MCF2L2: variants seen among roughly 807,000 people sequenced by gnomAD.
MCF2L2 encodes MCF.2 cell line derived transforming sequence-like 2.
In MCF2L2, 102 loss-of-function variants were observed where a neutral mutation model predicts 150.2. That is an observed-to-expected ratio of 0.68 (90% CI 0.58 to 0.80). The LOEUF (loss-of-function observed/expected upper bound fraction) is 0.80. Ranked by LOEUF, MCF2L2 falls within the 30% of genes least tolerant of loss-of-function variation. The pLI, the probability that MCF2L2 is intolerant of heterozygous loss-of-function variation, is 0.00. For missense variants in MCF2L2, 1,256 were observed against 1,372.8 expected (o/e 0.91, Z 1.34); for synonymous variants, 465 against 491.3 (o/e 0.95, Z 0.71).
At chr3:183,387,245 ACATAGCGACAC>A (rs1337981118) in intron 2 of MCF2L2, among the ~76,000 whole-genome samples, 1 of 151,534 alleles carries the variant, frequency 6.6e-6, no homozygotes, top group African/African-American at 2.4e-5. Flanking sequence ...AGCCTGGGCA[ACATAGCGACAC>A]CATGTCTCAA....
chr3:183,272,943 C>T, intron 15 of MCF2L2: 1 of 1,409,310 alleles, frequency 7.1e-7, no homozygotes, highest in Non-Finnish European at 9.3e-7. Context: ...TTAATTTTTG[C>T]TTAGAATAGA....
chr3:183,343,636 A>G (rs1730787188), intron 3 of MCF2L2, among the ~76,000 whole-genome samples: 1 of 152,080 alleles, frequency 6.6e-6, no homozygotes, highest in Non-Finnish European at 1.5e-5. Context: ...CCCAAAGTGC[A>G]GGGATTACAG....
chr3:183,374,683 AGAAAG>A (rs1195345679), intron 3 of MCF2L2: 1 of 147,464 alleles, frequency 6.8e-6, no homozygotes, highest in Non-Finnish European at 1.5e-5. Context: ...AAAAAAAAAA[AGAAAG>A]AAAGAAAGAA....
intron 3 of MCF2L2, among the ~76,000 whole-genome samples, chr3:183,345,554 A>T (rs1730865926): frequency 6.6e-6 from 1 of 152,228 alleles, no homozygotes; most frequent in Admixed American, 6.5e-5. Context: ...GCAGAAGACA[A>T]GAAATAACTA....
chr3:183,364,079 T>C (rs1053174895), intron 3 of MCF2L2, among the ~76,000 whole-genome samples: 5 of 152,222 alleles, frequency 3.3e-5, no homozygotes, highest in Admixed American at 1.3e-4. Context: ...TCAGAATTTG[T>C]GGGTTTGTTT....
At chr3:183,400,334 C>G (rs1356355935) in intron 1 of MCF2L2, 10 of 445,386 alleles carry the variant, frequency 2.2e-5, no homozygotes, top group South Asian at 1.3e-4. Context: ...ACACATGCAT[C>G]CTTGCTTCCA....
At chr3:183,293,078 T>C (rs1443803356) in intron 13 of MCF2L2, among the ~76,000 whole-genome samples, 1 of 152,152 alleles carries the variant, frequency 6.6e-6, no homozygotes, top group Non-Finnish European at 1.5e-5. Flanking sequence ...GGTCACAGTG[T>C]ATAAAAAGGC....
intron 7 of MCF2L2, among the ~76,000 whole-genome samples, chr3:183,313,914 G>A (rs1171533929): frequency 6.6e-6 from 1 of 152,196 alleles, no homozygotes; most frequent in African/African-American, 2.4e-5. Flanking sequence ...GATCCAACTG[G>A]CAGACGAGGT....
At position 183,257,958 on chromosome 3, in the gene MCF2L2, CTTTTTTTTT is replaced by C. The variant is rs35323502; in HGVS notation, c.1862+18905_1862+18913del. On this transcript the variant is annotated intron_variant, in intron 15 of 29. Transcript: ENST00000328913. Reference sequence around the variant, plus strand: ...TATTCCTTGCTCCCTCCACTTCACCCTTTTTTTTTTTTTTTTTTTTTTTTTTTGAGACGG... The same window carrying C: ...TATTCCTTGCTCCCTCCACTTCACCCTTTTTTTTTTTTTTTTTTGAGACGG... 2.6e-4 allele frequency among the ~76,000 whole-genome samples: 17 copies of C among 64,740 alleles called. No homozygotes were observed. The East Asian group carries it at 4.2e-3, about 16-fold the overall frequency. 42.5% of individuals were successfully genotyped at this position (64,740 alleles called of 152,430 possible).
At chr3:183,228,047 A>ACACACACAC in intron 18 of MCF2L2, 3 of 458,428 alleles carry the variant, frequency 6.5e-6, no homozygotes, top group Non-Finnish European at 7.9e-6. Flanking sequence ...ACACACACAC[A>ACACACACAC]ATGGTAATGA....
chr3:183,360,140 G>A (rs910819541), intron 3 of MCF2L2, among the ~76,000 whole-genome samples: 1 of 152,182 alleles, frequency 6.6e-6, no homozygotes, highest in Admixed American at 6.5e-5. Flanking sequence ...TGGGCTTATT[G>A]AAGGACTACA....
At chr3:183,407,315 A>T (rs540858315) in intron 1 of MCF2L2, among the ~76,000 whole-genome samples, 6 of 126,890 alleles carry the variant, frequency 4.7e-5, no homozygotes, top group African/African-American at 2.6e-4. Flanking sequence ...GTACTCTTTT[A>T]AAAAAAAATT....
intron 25 of MCF2L2, among the ~76,000 whole-genome samples, chr3:183,198,067 T>C (rs1325682425): frequency 1.3e-5 from 2 of 152,146 alleles, no homozygotes; most frequent in African/African-American, 4.8e-5. Context: ...GGCCTAACCA[T>C]TACACTCTTA....
At chr3:183,208,948 A>AT (rs796084956) in intron 22 of MCF2L2, among the ~76,000 whole-genome samples, 3 of 152,362 alleles carry the variant, frequency 2.0e-5, no homozygotes, top group African/African-American at 7.2e-5. Flanking sequence ...CTATGGCGTT[A>AT]TTTCCTATGT....
rs373173698 is a variant in MCF2L2 at position 183,254,567 on chromosome 3, C to A, written c.1862+22305G>T. ...TTCCCGGGGCCTGCGGGTCCCCGTC[C>A]CTGAGGAGCTCCGGCTCCTCGGTGG... On this transcript the variant is annotated intron_variant, in intron 15 of 29. Transcript: ENST00000328913. 2.0e-5 allele frequency: 3 copies of A among 152,224 alleles called. No individual in the cohort carries two copies. The East Asian group carries it at 5.8e-4, about 29-fold the overall frequency. The allele number at this position is 152,224 out of a possible 1,614,324, so 9.4% of individuals were successfully genotyped here. A position where few individuals can be genotyped will look rare whatever the true frequency, so the allele number is the denominator to read the frequency against.
In MCF2L2 at chr3:183,428,160, G is replaced by A. The variant is rs1427221340; in HGVS notation, c.-183C>T. ...CAGCTCTCCCTCGCCACGCCCCGCGGGGGCTCCCGTGACAGACCAAGTCTG... is the reference window on the plus strand; with the variant it reads ...CAGCTCTCCCTCGCCACGCCCCGCGAGGGCTCCCGTGACAGACCAAGTCTG... On this transcript the variant is annotated 5_prime_UTR_variant, in exon 1 of 30. Coordinates refer to ENST00000328913, the MANE Select transcript of MCF2L2 (RefSeq NM_015078.4). This position sits in a 1 kb window ranked among gnomAD's most constrained non-coding sequence, Gnocchi z 5.1. 11 of 589,712 alleles carry A rather than the reference G, an allele frequency of 1.9e-5. No individual in the cohort carries two copies. The highest frequency in any genetic ancestry group is 2.7e-5 in the Non-Finnish European group (9 of 333,386). 36.5% of individuals were successfully genotyped at this position (589,712 alleles called of 1,614,324 possible). A position where few individuals can be genotyped will look rare whatever the true frequency, so the allele number is the denominator to read the frequency against.
chr3:183,266,677 T>C, intron 15 of MCF2L2, among the ~76,000 whole-genome samples: 1 of 152,210 alleles, frequency 6.6e-6, no homozygotes, highest in Non-Finnish European at 1.5e-5. Flanking sequence ...CAGAAACTGA[T>C]ATTTTCTGAC....
intron 6 of MCF2L2, among the ~76,000 whole-genome samples, chr3:183,320,901 A>C (rs1173104427): frequency 1.3e-5 from 2 of 152,132 alleles, no homozygotes; most frequent in African/African-American, 4.8e-5. Flanking sequence ...TCTTCCTTTC[A>C]CTTGAACACT....
rs1275863602 is a variant in MCF2L2, at chr3:183,179,327, TC to T, written c.*52del. On this transcript the variant is annotated 3_prime_UTR_variant, in exon 30 of 30. Transcript: ENST00000328913. This position sits in a 1 kb window ranked among gnomAD's most constrained non-coding sequence, Gnocchi z 4.2. ...AGGGCCCGGGCCCCCACACCGCCTCTCCCGGGAATGCGGGCGCTCTGGAGCC... is the reference window on the plus strand; with the variant it reads ...AGGGCCCGGGCCCCCACACCGCCTCTCCGGGAATGCGGGCGCTCTGGAGCC... The T allele has an allele frequency of 2.9e-6, 4 of 1,386,586 alleles. No homozygotes were observed. Among genetic ancestry groups the T allele is most frequent in the Non-Finnish European group, 3.7e-6 (4 of 1,074,130 alleles). 85.9% of individuals were successfully genotyped at this position (1,386,586 alleles called of 1,614,324 possible).
Sources: gnomAD v4.1 joint callset for allele counts (sites outside exome capture counted in the v4.1 genomes callset) on GRCh38, gnomAD v4.1.1 for gene constraint, Gnocchi (gnomAD v3.1) non-coding constraint, MANE v1.5 for transcripts, NCBI Gene and HGNC (gene_info 2026-07-23, HGNC 2026-07-21) for gene names.